The following CADM2 variants were observed in gnomAD, a reference collection of about 807,000 sequenced individuals.
The protein encoded by CADM2 is immunoglobulin superfamily member 4D.
A neutral mutation model predicts 49.8 loss-of-function variants in CADM2; 12 were observed. The observed-to-expected ratio is 0.24, with a 90% confidence interval of 0.15 to 0.39. CADM2 has a LOEUF of 0.39. Among genes scored for constraint, CADM2 ranks in the 10% least tolerant of loss-of-function variants. The pLI is 1.00. For missense variants in CADM2, 378 were observed against 492.3 expected, an observed-to-expected ratio of 0.77 and a Z score of 2.20; for synonymous variants, 214 against 175.4, an observed-to-expected ratio of 1.22 and a Z score of -1.74.
chr3:85,669,380 A>C (rs1171543850), intron 1 of CADM2, among the ~76,000 whole-genome samples: 2 of 152,146 alleles, frequency 1.3e-5, no homozygotes, highest in Non-Finnish European at 1.5e-5. Context: ...GAGGAGAAAA[A>C]GGTTAAAGGT....
At chr3:85,530,482 C>T (rs2061280734) in intron 1 of CADM2, among the ~76,000 whole-genome samples, 1 of 151,910 alleles carries the variant, frequency 6.6e-6, no homozygotes, top group East Asian at 2.0e-4. Context: ...AGGCGCCCGC[C>T]ACCACACCCT....
rs952151941 is a variant in CADM2 at position 85,987,635 on chromosome 3, T to A, written c.970+25988T>A. ...TAATTATTATAATTAAATATTATAA[T>A]AAAATATGTTTATATTTATATAATT... On this transcript the variant is annotated intron_variant, in intron 8 of 9. Transcript: ENST00000383699. Among the ~76,000 whole-genome samples the A allele has an allele frequency of 4.1e-5, 6 of 146,838 alleles. No individual in the cohort carries two copies. In the East Asian group the frequency reaches 7.8e-4, roughly 19 times the overall value.
chr3:85,021,635 C>T (rs2034515588), intron 1 of CADM2, among the ~76,000 whole-genome samples: 1 of 151,916 alleles, frequency 6.6e-6, no homozygotes, highest in African/African-American at 2.4e-5. Context: ...ATTAGCCAGG[C>T]GTGGTGGTGG....
chr3:85,643,925 G>A (rs908850919), intron 1 of CADM2, among the ~76,000 whole-genome samples: 4 of 152,042 alleles, frequency 2.6e-5, no homozygotes, highest in African/African-American at 7.2e-5. Context: ...CAGCTACATT[G>A]GGGGTTAGGG....
intron 1 of CADM2, among the ~76,000 whole-genome samples, chr3:85,612,993 A>G (rs1256095238): frequency 2.6e-5 from 4 of 151,730 alleles, no homozygotes; most frequent in Non-Finnish European, 4.4e-5. Context: ...GTCTTTTGCT[A>G]TAAATTACAG....
chr3:85,344,106 G>GGT (rs2030266271), intron 1 of CADM2, among the ~76,000 whole-genome samples: 1 of 151,950 alleles, frequency 6.6e-6, no homozygotes, highest in Non-Finnish European at 1.5e-5. Flanking sequence ...TGTATGGGCC[G>GGT]GGCTCACGCC....
chr3:85,582,966 C>G (rs2062837796), intron 1 of CADM2, among the ~76,000 whole-genome samples: 1 of 151,654 alleles, frequency 6.6e-6, no homozygotes, highest in African/African-American at 2.4e-5. Context: ...AATACCTACC[C>G]CAAAAAAGAA....
intron 8 of CADM2, among the ~76,000 whole-genome samples, chr3:86,033,824 A>G (rs1025604812): frequency 2.0e-5 from 3 of 147,082 alleles, no homozygotes; most frequent in African/African-American, 7.4e-5. Context: ...ATAATTATAT[A>G]TATTTATATA....
chr3:85,163,673 C>T (rs538101258), intron 1 of CADM2, among the ~76,000 whole-genome samples: 1 of 152,108 alleles, frequency 6.6e-6, no homozygotes, highest in African/African-American at 2.4e-5. Flanking sequence ...ACAGTTCTTA[C>T]TCATTTATCT....
At chr3:85,137,709 A>C (rs2039458744) in intron 1 of CADM2, among the ~76,000 whole-genome samples, 1 of 152,142 alleles carries the variant, frequency 6.6e-6, no homozygotes, top group African/African-American at 2.4e-5. Context: ...ACAGTAATTT[A>C]GTAACAGAAA....
chr3:85,549,995 G>T (rs2061762994), intron 1 of CADM2, among the ~76,000 whole-genome samples: 1 of 152,010 alleles, frequency 6.6e-6, no homozygotes, highest in African/African-American at 2.4e-5. Context: ...ACATGTATTT[G>T]TATATGTCAG....
intron 5 of CADM2, among the ~76,000 whole-genome samples, chr3:85,896,509 C>T (rs531264801): frequency 6.6e-6 from 1 of 152,124 alleles, no homozygotes; most frequent in East Asian, 1.9e-4. Context: ...TCTCCACATG[C>T]GTTCCCTGCC....
At chr3:85,115,320 C>T (rs1475600782) in intron 1 of CADM2, among the ~76,000 whole-genome samples, 3 of 152,176 alleles carry the variant, frequency 2.0e-5, no homozygotes, top group African/African-American at 7.2e-5. Context: ...AGAATTATCA[C>T]TGTTGCCTCC....
intron 8 of CADM2, among the ~76,000 whole-genome samples, chr3:86,005,268 G>A (rs1294511620): frequency 6.6e-6 from 1 of 152,060 alleles, no homozygotes. Flanking sequence ...AAATAATTTT[G>A]TGGCCGGGCG....
chr3:85,441,712 G>T (rs1184255420), intron 1 of CADM2, among the ~76,000 whole-genome samples: 1 of 151,988 alleles, frequency 6.6e-6, no homozygotes, highest in Non-Finnish European at 1.5e-5. Context: ...CTTGTAGAAA[G>T]ACACAGTGGT....
intron 1 of CADM2, among the ~76,000 whole-genome samples, chr3:85,634,828 A>G (rs1188932963): frequency 6.6e-6 from 1 of 152,072 alleles, no homozygotes; most frequent in East Asian, 1.9e-4. Context: ...ACTACATAGC[A>G]AACTTTAAAA....
intron 1 of CADM2, among the ~76,000 whole-genome samples, chr3:85,090,287 T>G (rs2037545932): frequency 6.6e-6 from 1 of 152,172 alleles, no homozygotes; most frequent in South Asian, 2.1e-4. Context: ...TATGTTAGTA[T>G]ATTTTTCATA....
At chr3:85,678,002 AAG>A (rs1375533325) in intron 1 of CADM2, among the ~76,000 whole-genome samples, 1 of 152,222 alleles carries the variant, frequency 6.6e-6, no homozygotes, top group Non-Finnish European at 1.5e-5. Context: ...GAGGATAACA[AAG>A]AGATAGAAAG....
chr3:85,090,097 C>T (rs1474440720), intron 1 of CADM2, among the ~76,000 whole-genome samples: 1 of 151,672 alleles, frequency 6.6e-6, no homozygotes, highest in Non-Finnish European at 1.5e-5. Flanking sequence ...ACATCCAGTA[C>T]ATTTATATAC....
Sources: allele counts gnomAD v4.1 joint callset (sites outside exome capture counted in the v4.1 genomes callset), GRCh38; gene constraint gnomAD v4.1.1; transcripts MANE v1.5; gene names NCBI Gene and HGNC (gene_info 2026-07-23, HGNC 2026-07-21).